The following DSCAM variants were observed in gnomAD, a reference collection of about 807,000 sequenced individuals.
DSCAM encodes cell adhesion molecule DSCAM.
Under a neutral mutation model 217.7 loss-of-function variants are expected in DSCAM, and 47 were observed. The ratio of observed to expected loss-of-function variants is 0.22; its 90% confidence interval spans 0.17 to 0.28. The LOEUF (loss-of-function observed/expected upper bound fraction) is 0.28. Among genes scored for constraint, DSCAM ranks in the 10% least tolerant of loss-of-function variants. The probability of loss-of-function intolerance (pLI) is 1.00; values close to 1 mark genes in which losing one functional copy is unlikely to be tolerated. For missense variants in DSCAM, 2,080 were observed against 2,618.3 expected, an observed-to-expected ratio of 0.79 and a Z score of 4.49; for synonymous variants, 1,056 against 1,015.3, an observed-to-expected ratio of 1.04 and a Z score of -0.76.
At chr21:40,426,575 C>T (rs1441459959) in intron 3 of DSCAM, among the ~76,000 whole-genome samples, 1 of 152,126 alleles carries the variant, frequency 6.6e-6, no homozygotes, top group Non-Finnish European at 1.5e-5. Context: ...GGCCACATTT[C>T]ACTATTTATT....
chr21:40,583,906 T>TAAA (rs10681677), intron 3 of DSCAM, among the ~76,000 whole-genome samples: 59,404 of 139,602 alleles, frequency 0.43, 13,345 homozygotes, highest in Admixed American at 0.51. Context: ...TAAAGTCTAT[T>TAAA]AAAAAAAAAA....
chr21:40,584,969 A>G (rs1456659678), intron 3 of DSCAM, among the ~76,000 whole-genome samples: 14 of 152,104 alleles, frequency 9.2e-5, no homozygotes, highest in Admixed American at 9.2e-4. Flanking sequence ...AGCTCTATTA[A>G]TTCCAGAGAG....
intron 27 of DSCAM, among the ~76,000 whole-genome samples, chr21:40,067,801 C>T (rs925390687): frequency 1.5e-5 from 2 of 131,586 alleles, no homozygotes; most frequent in Admixed American, 1.8e-4. Context: ...TTTTATAATT[C>T]CTGGTCCACG....
intron 3 of DSCAM, among the ~76,000 whole-genome samples, chr21:40,486,253 C>T (rs1002868350): frequency 2.0e-4 from 31 of 152,164 alleles, no homozygotes; most frequent in African/African-American, 7.2e-4. Context: ...CATGGTTTAT[C>T]CTGGGCCTTT....
chr21:40,671,368 T>C (rs549849622), intron 3 of DSCAM, among the ~76,000 whole-genome samples: 43 of 152,102 alleles, frequency 2.8e-4, no homozygotes, highest in Non-Finnish European at 2.4e-4. Flanking sequence ...AATAAAAAAG[T>C]CTCCATACAC....
At chr21:40,364,618 T>A (rs1434507884) in intron 4 of DSCAM, among the ~76,000 whole-genome samples, 1 of 151,218 alleles carries the variant, frequency 6.6e-6, no homozygotes, top group Non-Finnish European at 1.5e-5. Context: ...ACATGGCACA[T>A]ATATACATAT....
chr21:40,424,203 T>C (rs1318546017), intron 3 of DSCAM, among the ~76,000 whole-genome samples: 1 of 152,154 alleles, frequency 6.6e-6, no homozygotes, highest in Admixed American at 6.6e-5. Flanking sequence ...ATGGGATAAA[T>C]TGCGTCCCCC....
intron 4 of DSCAM, among the ~76,000 whole-genome samples, chr21:40,367,500 A>T (rs1229652614): frequency 3.3e-5 from 5 of 152,152 alleles, no homozygotes; most frequent in African/African-American, 1.2e-4. Flanking sequence ...AATGAAATTA[A>T]TTTCTCTTTT....
At chr21:40,204,888 T>C (rs1204184550) in intron 11 of DSCAM, among the ~76,000 whole-genome samples, 3 of 152,240 alleles carry the variant, frequency 2.0e-5, no homozygotes, top group Non-Finnish European at 2.9e-5. Flanking sequence ...TGTTATGGGC[T>C]TATGAGCCCT....
intron 1 of DSCAM, among the ~76,000 whole-genome samples, chr21:40,776,288 C>T (rs558507606): frequency 5.5e-4 from 84 of 152,128 alleles, no homozygotes; most frequent in Non-Finnish European, 1.1e-3. Context: ...GGATTTTAGA[C>T]TTTGCAAATT....
intron 9 of DSCAM, among the ~76,000 whole-genome samples, chr21:40,301,309 T>C (rs1326532428): frequency 6.6e-6 from 1 of 152,226 alleles, no homozygotes; most frequent in Non-Finnish European, 1.5e-5. Context: ...ATCCAGACTC[T>C]TGGGATATTT....
chr21:40,233,232 A>G (rs1307947805), intron 11 of DSCAM, among the ~76,000 whole-genome samples: 1 of 152,190 alleles, frequency 6.6e-6, no homozygotes, highest in East Asian at 1.9e-4. Context: ...ATACATACAT[A>G]GAATAACAAA....
Position 40,101,794 on chromosome 21 carries a change from G to A in DSCAM, c.3697-7920C>T, listed in dbSNP as rs753256106. ...TTTACTGTGGGAGGTGGTGGGGGGG[G>A]GTCCAGGCAGACACTGCTGCCTTCA... is the stretch of plus-strand genomic sequence containing the variant. On this transcript the variant is annotated intron_variant, in intron 20 of 32. Coordinates refer to ENST00000400454, the MANE Select transcript of DSCAM (RefSeq NM_001389.5). 2.6e-5 allele frequency among the ~76,000 whole-genome samples: 4 copies of A among 151,960 alleles called. No homozygotes were observed. The East Asian group carries it at 5.8e-4, about 22-fold the overall frequency.
chr21:40,048,486 A>AGAT (rs776274864), intron 30 of DSCAM, among the ~76,000 whole-genome samples: 9 of 152,216 alleles, frequency 5.9e-5, no homozygotes, highest in Non-Finnish European at 1.0e-4. Context: ...CTACTGACAG[A>AGAT]GATAAATAGC....
intron 3 of DSCAM, among the ~76,000 whole-genome samples, chr21:40,554,281 A>C (rs1483472343): frequency 6.6e-6 from 1 of 151,990 alleles, no homozygotes; most frequent in Admixed American, 6.6e-5. Flanking sequence ...CAATAAAATT[A>C]GACTGCTTCT....
At chr21:40,165,414 G>A (rs575936024) in intron 16 of DSCAM, among the ~76,000 whole-genome samples, 1 of 152,326 alleles carries the variant, frequency 6.6e-6, no homozygotes, top group South Asian at 2.1e-4. Flanking sequence ...AAGTCTGCCT[G>A]CTGACAGGCC....
At chr21:40,803,174 C>A (rs1026147038) in intron 1 of DSCAM, among the ~76,000 whole-genome samples, 3 of 152,214 alleles carry the variant, frequency 2.0e-5, no homozygotes, top group African/African-American at 7.2e-5. Flanking sequence ...AAGTGCTGCA[C>A]AGCTGAAATC....
At chr21:40,834,769 C>G (rs2092043583) in intron 1 of DSCAM, among the ~76,000 whole-genome samples, 1 of 152,056 alleles carries the variant, frequency 6.6e-6, no homozygotes, top group South Asian at 2.1e-4. Context: ...ATGAATAAAC[C>G]CAGAGAAGGC....
chr21:40,238,262 T>G (rs2073104493), intron 11 of DSCAM, among the ~76,000 whole-genome samples: 1 of 152,142 alleles, frequency 6.6e-6, no homozygotes, highest in Admixed American at 6.5e-5. Context: ...CTTAGTTAGC[T>G]CTCTCATCTC....
Sources: gnomAD v4.1 joint callset for allele counts (sites outside exome capture counted in the v4.1 genomes callset) on GRCh38, gnomAD v4.1.1 for gene constraint, MANE v1.5 for transcripts, NCBI Gene and HGNC (gene_info 2026-07-23, HGNC 2026-07-21) for gene names.